DYRK1A: variants seen among roughly 807,000 people sequenced by gnomAD.
The protein encoded by DYRK1A is dual specificity tyrosine-phosphorylation-regulated kinase 1A.
In DYRK1A, 9 loss-of-function variants were observed where a neutral mutation model predicts 79.7. The observed-to-expected ratio is 0.11, with a 90% CI of 0.07 to 0.20. The LOEUF is 0.20. DYRK1A is among the 10% of genes least tolerant of loss of function. The pLI is 1.00. For missense variants in DYRK1A, 622 were observed against 956.0 expected (o/e 0.65, Z 4.61); for synonymous variants, 349 against 329.7 (o/e 1.06, Z -0.63).
chr21:37,480,495 A>C, intron 4 of DYRK1A, 143 bp from the exon 5 acceptor site: 4 of 570,980 alleles, frequency 7.0e-6, no homozygotes, highest in Non-Finnish European at 1.1e-5. Flanking sequence ...TTCACTGTAT[A>C]AATTTTTTCA....
At chr21:37,380,587 T>C (rs950566829) in intron 1 of DYRK1A, among the ~76,000 whole-genome samples, 1 of 152,124 alleles carries the variant, frequency 6.6e-6, no homozygotes, top group Non-Finnish European at 1.5e-5. Context: ...GGCTGTTTGC[T>C]GAATAAGACA....
chr21:37,439,861 G>T (rs961659251), intron 2 of DYRK1A, among the ~76,000 whole-genome samples: 5 of 151,926 alleles, frequency 3.3e-5, no homozygotes, highest in Admixed American at 6.6e-5. Flanking sequence ...TTACCACATG[G>T]TTTTTATTTT....
chr21:37,461,571 T>C (rs1000779726), intron 2 of DYRK1A, among the ~76,000 whole-genome samples: 10 of 152,236 alleles, frequency 6.6e-5, no homozygotes, highest in Non-Finnish European at 5.9e-5. Context: ...GGATCTACTG[T>C]TGACAAATTC....
chr21:37,384,193 A>C (rs552058362), intron 1 of DYRK1A, among the ~76,000 whole-genome samples: 1 of 152,188 alleles, frequency 6.6e-6, no homozygotes, highest in Non-Finnish European at 1.5e-5. Context: ...GGTGGTTGTC[A>C]TTTGAGGAGC....
At chr21:37,405,461 C>T (rs1428874032) in intron 1 of DYRK1A, among the ~76,000 whole-genome samples, 1 of 152,160 alleles carries the variant, frequency 6.6e-6, no homozygotes, top group Non-Finnish European at 1.5e-5. Flanking sequence ...TGCATGACTC[C>T]TTCCGTCTTT....
intron 2 of DYRK1A, among the ~76,000 whole-genome samples, chr21:37,431,135 T>C (rs1470982548): frequency 1.4e-4 from 21 of 152,290 alleles, no homozygotes; most frequent in Middle Eastern, 3.4e-3. Flanking sequence ...ATGGATGATA[T>C]AGAGGAATAT....
chr21:37,438,627 G>C (rs1489278592), intron 2 of DYRK1A, among the ~76,000 whole-genome samples: 2 of 152,108 alleles, frequency 1.3e-5, no homozygotes, highest in Non-Finnish European at 2.9e-5. Context: ...TCAAAAATCA[G>C]TCTTCCATAT....
At chr21:37,502,404 A>AT (rs1201934231) in intron 9 of DYRK1A, 5 of 151,534 alleles carry the variant, frequency 3.3e-5, no homozygotes, top group Non-Finnish European at 5.9e-5. Context: ...TCTTGTACTG[A>AT]TTTTTTTACT....
At chr21:37,505,191 CAT>C (rs2053557416) in intron 9 of DYRK1A, 90 bp from the exon 10 acceptor site, 1 of 1,066,430 alleles carries the variant, frequency 9.4e-7, no homozygotes, top group African/African-American at 1.6e-5. Context: ...AAGGCCTCAA[CAT>C]ATATATTTAA....
In DYRK1A at chr21:37,512,072, C is replaced by T; in HGVS notation, c.1806C>T (p.His602=). 1 of 1,613,998 alleles carries T rather than the reference C, an allele frequency of 6.2e-7. No homozygotes were observed. Among genetic ancestry groups the T allele is most frequent in the Non-Finnish European group, 8.5e-7 (1 of 1,179,958 alleles). The part of the protein sequence containing the change: ...HHGNSSHHHH[H]HHHHHHHHGQ... ...GTAACAGTTCCCATCACCATCACCA[C>T]CACCACCACCATCACCACCACCATG... The change falls in exon 12 of 12, where the codon CAC becomes CAT. Residue 602 remains histidine (H), a synonymous_variant. Transcript: ENST00000647188.
At chr21:37,410,084 T>C (rs899791777) in intron 1 of DYRK1A, among the ~76,000 whole-genome samples, 26 of 152,230 alleles carry the variant, frequency 1.7e-4, no homozygotes, top group African/African-American at 5.1e-4. Flanking sequence ...TTTTGAAGGC[T>C]ATAGGAACAA....
In DYRK1A at chr21:37,478,201, G is replaced by T. The variant is rs2148571396; in HGVS notation, c.208-7G>T. 4.3e-6 allele frequency: 7 copies of T among 1,614,076 alleles called. No individual in the cohort carries two copies. The highest frequency in any genetic ancestry group is 5.9e-6 in the Non-Finnish European group (7 of 1,179,976). On this transcript the variant is annotated splice_region_variant and splice_polypyrimidine_tract_variant and intron_variant, in intron 3 of 11. Transcript: ENST00000647188. ...TTAAGGTGATGCCTGATATTGTCAT[G>T]TTACAGAGGCGGATGCCCCAAACCT...
At position 37,436,463 on chromosome 21, in the gene DYRK1A, C is replaced by G. The variant is rs573459052; in HGVS notation, c.10+16079C>G. On this transcript the variant is annotated intron_variant, in intron 2 of 11. Coordinates refer to ENST00000647188, the MANE Select transcript of DYRK1A (RefSeq NM_001347721.2). The stretch of plus-strand genomic sequence containing the variant: ...TAGCACCATTTCTGGCTTTTTGTCA[C>G]TTGGTTTTGTTGGAAGCAGGGCTGT... Among the ~76,000 whole-genome samples the G allele has an allele frequency of 5.9e-5, 9 of 152,216 alleles. No individual in the cohort carries two copies. In the South Asian group the frequency reaches 1.7e-3, roughly 28 times the overall value.
intron 2 of DYRK1A, among the ~76,000 whole-genome samples, chr21:37,461,490 T>G (rs1359777373): frequency 6.6e-6 from 1 of 152,216 alleles, no homozygotes; most frequent in African/African-American, 2.4e-5. Context: ...TCTTTATTCC[T>G]TTGTGTGAAT....
chr21:37,419,328 A>C (rs1011611659), intron 1 of DYRK1A: 7 of 152,168 alleles, frequency 4.6e-5, no homozygotes, highest in African/African-American at 1.7e-4. Context: ...AAATTTAGGA[A>C]TTGGAGGCAT....
chr21:37,480,510 T>C, intron 4 of DYRK1A, 128 bp from the exon 5 acceptor site: 7 of 652,126 alleles, frequency 1.1e-5, no homozygotes, highest in Non-Finnish European at 1.7e-5. Context: ...TTTTCATTGG[T>C]TAGATCAGTA....
chr21:37,501,988 T>G (rs977076222), intron 9 of DYRK1A: 2 of 152,224 alleles, frequency 1.3e-5, no homozygotes, highest in African/African-American at 4.8e-5. Flanking sequence ...GAAATGTCCC[T>G]CTTTGTCTCT....
intron 6 of DYRK1A, 146 bp from the exon 7 acceptor site, chr21:37,490,029 C>A: frequency 1.3e-6 from 1 of 766,146 alleles, no homozygotes; most frequent in Non-Finnish European, 2.0e-6. Flanking sequence ...TTGAAAACTG[C>A]TGTTATTACA....
chr21:37,518,386 A>G lies in DYRK1A; in HGVS notation c.*5855A>G, dbSNP rs950482635. 6.6e-6 allele frequency: 1 copy of G among 152,170 alleles called. No individual in the cohort carries two copies. The highest frequency in any genetic ancestry group is 1.5e-5 in the Non-Finnish European group (1 of 68,028). The allele number at this position is 152,170 out of a possible 1,614,324, so 9.4% of individuals were successfully genotyped here. On this transcript the variant is annotated 3_prime_UTR_variant, in exon 12 of 12. Coordinates refer to ENST00000647188, the MANE Select transcript of DYRK1A (RefSeq NM_001347721.2). ...AGTGATCGCAAACTGCTCAATCGGT[A>G]CTCATCAATTTAAAATGACTGTCCA...
Sources: allele counts gnomAD v4.1 joint callset (sites outside exome capture counted in the v4.1 genomes callset), GRCh38; gene constraint gnomAD v4.1.1; transcripts MANE v1.5; gene names NCBI Gene and HGNC (gene_info 2026-07-23, HGNC 2026-07-21).